TECTB: variants seen among roughly 807,000 people sequenced by gnomAD.
TECTB encodes the protein beta-tectorin.
Under a neutral mutation model 43.3 loss-of-function variants are expected in TECTB, and 45 were observed. The observed-to-expected ratio is 1.04, with a 90% CI of 0.82 to 1.33. The LOEUF (loss-of-function observed/expected upper bound fraction) is 1.33. Among genes scored for constraint, TECTB ranks in the 40% most tolerant of loss-of-function variants. TECTB has a pLI of 0.00. For missense variants in TECTB, 399 were observed against 404.7 expected, an observed-to-expected ratio of 0.99 and a Z score of 0.12; for synonymous variants, 169 against 156.7, an observed-to-expected ratio of 1.08 and a Z score of -0.59.
At chr10:112,299,040 C>T (rs1848573346) in intron 8 of TECTB, among the ~76,000 whole-genome samples, 1 of 151,932 alleles carries the variant, frequency 6.6e-6, no homozygotes, top group Admixed American at 6.6e-5. Context: ...GAGTGCAGAG[C>T]CAGGGAGAGG....
At position 112,304,189 on chromosome 10, in the gene TECTB, C is replaced by T. The variant is rs1191588694; in HGVS notation, c.*877C>T. 1 of 152,230 alleles carries T rather than the reference C, an allele frequency of 6.6e-6. No individual in the cohort carries two copies. Among genetic ancestry groups the T allele is most frequent in the Admixed American group, 6.5e-5 (1 of 15,286 alleles). The allele number at this position is 152,230 out of a possible 1,614,324, so 9.4% of individuals were successfully genotyped here. A position where few individuals can be genotyped will look rare whatever the true frequency, so the allele number is the denominator to read the frequency against. Reference sequence around the variant, plus strand: ...CTGTGAGTTTGGTGACCCAATCCTACAGATAAATGCCTTGTGACACTCAAT... The same window carrying T: ...CTGTGAGTTTGGTGACCCAATCCTATAGATAAATGCCTTGTGACACTCAAT... On this transcript the variant is annotated 3_prime_UTR_variant, in exon 11 of 11. Coordinates refer to ENST00000646139, the MANE Select transcript of TECTB (RefSeq NM_058222.3).
At chr10:112,299,306 A>G (rs41306846) in intron 8 of TECTB, among the ~76,000 whole-genome samples, 186 bp from the exon 9 acceptor site, 63,330 of 152,086 alleles carry the variant, frequency 0.42, 13,639 homozygotes, top group East Asian at 0.68. Flanking sequence ...AAGTTGGAGA[A>G]GGGATGAACA....
intron 7 of TECTB, among the ~76,000 whole-genome samples, chr10:112,297,467 T>C (rs1848558544): frequency 6.6e-6 from 1 of 152,126 alleles, no homozygotes; most frequent in South Asian, 2.1e-4. Flanking sequence ...TGCCCATAAT[T>C]TTATCCCTTT....
chr10:112,300,255 AAAG>A (rs1848591104), intron 9 of TECTB, among the ~76,000 whole-genome samples: 1 of 35,024 alleles, frequency 2.9e-5, no homozygotes, highest in African/African-American at 1.7e-4. Flanking sequence ...AGAAAGAAAG[AAAG>A]AAAGAAAGAA....
In TECTB at chr10:112,293,966, T is replaced by C. The variant is rs1218260011; in HGVS notation, c.588-12T>C. On this transcript the variant is annotated splice_polypyrimidine_tract_variant and intron_variant, in intron 6 of 10. Coordinates refer to ENST00000646139, the MANE Select transcript of TECTB (RefSeq NM_058222.3). The stretch of plus-strand genomic sequence containing the variant: ...TCTGTTTCAAAGTGATGCCATTTTG[T>C]TTTATTTCCAGGTTTAAAGTGGTCT... 6.2e-7 allele frequency: 1 copy of C among 1,614,114 alleles called. No individual in the cohort carries two copies. The highest frequency in any genetic ancestry group is 1.3e-5 in the African/African-American group (1 of 75,056).
chr10:112,293,655 C>A, intron 5 of TECTB, 83 bp from the exon 6 acceptor site: 1 of 1,236,564 alleles, frequency 8.1e-7, no homozygotes, highest in Non-Finnish European at 1.2e-6. Flanking sequence ...TCATCCCCAC[C>A]CCATCCCAAT....
Position 112,286,377 on chromosome 10 carries a change from C to G in TECTB, c.469C>G (p.Leu157Val), listed in dbSNP as rs1848454784. ...SMGTFESQLS[L>V]NFYTNAKFSI... ...GGGCACATTTGAGAGCCAACTGTCT[C>G]TCAACTTCTACACTGTAAGTGGTCT... The change falls in exon 5 of 11, where the codon CTC (leucine) becomes GTC (valine). Residue 157 changes from leucine to valine, a missense_variant. Leu to Val is a conservative substitution (Grantham distance 32). Transcript: ENST00000646139. 1 of 1,608,846 alleles carries G rather than the reference C, an allele frequency of 6.2e-7. No homozygotes were observed. The highest frequency in any genetic ancestry group is 1.1e-5 in the South Asian group (1 of 90,970).
rs990482449 is a variant in TECTB at position 112,303,960 on chromosome 10, T to A, written c.*648T>A. 1.3e-5 allele frequency: 2 copies of A among 152,232 alleles called. No individual in the cohort carries two copies. Among genetic ancestry groups the A allele is most frequent in the African/African-American group, 4.8e-5 (2 of 41,454 alleles). 9.4% of individuals were successfully genotyped at this position (152,232 alleles called of 1,614,324 possible). A position where few individuals can be genotyped will look rare whatever the true frequency, so the allele number is the denominator to read the frequency against. On this transcript the variant is annotated 3_prime_UTR_variant, in exon 11 of 11. Coordinates refer to ENST00000646139, the MANE Select transcript of TECTB (RefSeq NM_058222.3). ...ATACCATTTGTTAAATATATAAACA[T>A]GATATAGGTAGAAACTCCTTGTTTT... is the stretch of plus-strand genomic sequence containing the variant.
At position 112,303,463 on chromosome 10, in the gene TECTB, C is replaced by G; in HGVS notation, c.*151C>G. 2.1e-6 allele frequency: 2 copies of G among 947,416 alleles called. No homozygotes were observed. The highest frequency in any genetic ancestry group is 3.2e-6 in the Non-Finnish European group (2 of 620,080). The allele number at this position is 947,416 out of a possible 1,614,324, so 58.7% of individuals were successfully genotyped here. On this transcript the variant is annotated 3_prime_UTR_variant, in exon 11 of 11. Transcript: ENST00000646139. ...TGCCAAATATGCACTCCAATAATTT[C>G]TGTGAATTTGGTGATGCCTTTTTCT...
rs550515250 is a variant in TECTB at position 112,283,690 on chromosome 10, C to T, written c.-45C>T. 194 of 1,597,158 alleles carry T rather than the reference C, an allele frequency of 1.2e-4. 4 individuals are homozygous for T. The South Asian group carries it at 2.1e-3, about 17-fold the overall frequency. On this transcript the variant is annotated 5_prime_UTR_variant, in exon 2 of 11. Coordinates refer to ENST00000646139, the MANE Select transcript of TECTB (RefSeq NM_058222.3). ...CCCTGGAAGGACCGTAAACATTTGGCCAGCTTGGTTTGGATACCTGGCAGA... is the reference window on the plus strand; with the variant it reads ...CCCTGGAAGGACCGTAAACATTTGGTCAGCTTGGTTTGGATACCTGGCAGA...
At chr10:112,302,638 CCAGCAAA>C in intron 10 of TECTB, 1 of 267,888 alleles carries the variant, frequency 3.7e-6, no homozygotes, top group Middle Eastern at 1.2e-3. Flanking sequence ...TGAACAATGC[CCAGCAAA>C]CAGCAAACAC....
chr10:112,295,751 A>G (rs10509959), intron 7 of TECTB, among the ~76,000 whole-genome samples: 18,107 of 152,280 alleles, frequency 0.12, 1,246 homozygotes, highest in East Asian at 0.21. Flanking sequence ...CAATGGTCAC[A>G]CTAGGCAAAG....
intron 7 of TECTB, among the ~76,000 whole-genome samples, chr10:112,297,644 G>C (rs1848560597): frequency 1.3e-5 from 2 of 152,138 alleles, no homozygotes; most frequent in Admixed American, 6.5e-5. Context: ...TTCACACACA[G>C]AAATGTGTTG....
chr10:112,294,077 A>G lies in TECTB; in HGVS notation c.671+16A>G. On this transcript the variant is annotated intron_variant, in intron 7 of 10. Coordinates refer to ENST00000646139, the MANE Select transcript of TECTB (RefSeq NM_058222.3). ...TCAACAAGGGGTAGGTACACTATCT[A>G]GAGACAGGGCTGAACAGTGGAACCA... 6.2e-7 allele frequency: 1 copy of G among 1,611,248 alleles called. No homozygotes were observed. The highest frequency in any genetic ancestry group is 1.3e-5 in the African/African-American group (1 of 74,954).
In TECTB at chr10:112,286,353, GGCACATT is replaced by G; in HGVS notation, c.446_452del (p.Gly149ValfsTer43). On this transcript the variant is annotated frameshift_variant, in exon 5 of 11. Coordinates refer to ENST00000646139, the MANE Select transcript of TECTB (RefSeq NM_058222.3). LOFTEE classifies it high-confidence loss of function. ...TGTTCACGTGAAGAACGGGAGCATG[GGCACATT>G]TGAGAGCCAACTGTCTCTCAACTTC... 6.2e-7 allele frequency: 1 copy of G among 1,610,760 alleles called. No individual in the cohort carries two copies. The highest frequency in any genetic ancestry group is 8.5e-7 in the Non-Finnish European group (1 of 1,177,134).
intron 7 of TECTB, among the ~76,000 whole-genome samples, chr10:112,296,135 G>A (rs752436672): frequency 4.6e-5 from 7 of 152,058 alleles, no homozygotes; most frequent in African/African-American, 9.7e-5. Context: ...ATCTCCAGAT[G>A]ATTTTTGCTC....
intron 5 of TECTB, among the ~76,000 whole-genome samples, 159 bp downstream of exon 5, chr10:112,286,550 TA>T (rs1848456065): frequency 6.6e-6 from 1 of 152,188 alleles, no homozygotes; most frequent in Non-Finnish European, 1.5e-5. Flanking sequence ...TAAACCTCTT[TA>T]AAAACTAAGT....
chr10:112,303,114 C>A (rs1388071696), intron 10 of TECTB, 149 bp from the exon 11 acceptor site: 1 of 863,060 alleles, frequency 1.2e-6, no homozygotes, highest in Non-Finnish European at 1.9e-6. Context: ...TAAATGTGAG[C>A]TACAGAATCC....
rs1848632891 is a variant in TECTB, at chr10:112,303,988, TAGC to T, written c.*679_*681del. The T allele has an allele frequency of 1.3e-5, 2 of 152,246 alleles. No homozygotes were observed. Among genetic ancestry groups the T allele is most frequent in the Admixed American group, 6.5e-5 (1 of 15,280 alleles). 9.4% of individuals were successfully genotyped at this position (152,246 alleles called of 1,614,324 possible). A position where few individuals can be genotyped will look rare whatever the true frequency, so the allele number is the denominator to read the frequency against. ...TATAGGTAGAAACTCCTTGTTTTTA[TAGC>T]AGATGTATACTTCTAAAGTCAAAAG... is the stretch of plus-strand genomic sequence containing the variant. On this transcript the variant is annotated 3_prime_UTR_variant, in exon 11 of 11. Transcript: ENST00000646139.
Sources: gnomAD v4.1 joint callset for allele counts (sites outside exome capture counted in the v4.1 genomes callset) on GRCh38, gnomAD v4.1.1 for gene constraint, MANE v1.5 for transcripts, NCBI Gene and HGNC (gene_info 2026-07-23, HGNC 2026-07-21) for gene names.